SNTG1: variants seen among roughly 807,000 people sequenced by gnomAD.
The protein encoded by SNTG1 is syntrophin gamma 1, also known as gamma-1-syntrophin.
A neutral mutation model predicts 74.7 loss-of-function variants in SNTG1; 39 were observed. The ratio of observed to expected loss-of-function variants is 0.52; its 90% CI spans 0.40 to 0.68. The LOEUF is 0.68. Ranked by LOEUF, SNTG1 falls within the 30% of genes least tolerant of loss-of-function variation. The pLI is 0.00. For synonymous variants in SNTG1, 254 were observed against 217.1 expected (o/e 1.17, Z -1.49); for missense variants, 685 against 609.5 (o/e 1.12, Z -1.30).
chr8:50,362,121 A>G (rs2091976207), intron 2 of SNTG1, among the ~76,000 whole-genome samples: 1 of 152,132 alleles, frequency 6.6e-6, no homozygotes, highest in Non-Finnish European at 1.5e-5. Context: ...ATATTTGTAT[A>G]GAAAATCACC....
chr8:50,650,327 A>G (rs2095137113), intron 13 of SNTG1, among the ~76,000 whole-genome samples: 2 of 152,080 alleles, frequency 1.3e-5, no homozygotes, highest in Admixed American at 1.3e-4. Context: ...TTTAATTAAT[A>G]AATTTAGACC....
chr8:50,559,735 T>A (rs1478615759), intron 12 of SNTG1, among the ~76,000 whole-genome samples: 7 of 152,036 alleles, frequency 4.6e-5, no homozygotes, highest in Middle Eastern at 3.2e-3. Flanking sequence ...TCAAGATGGA[T>A]TAAAGACCTA....
chr8:50,359,784 A>T (rs979978836), intron 2 of SNTG1, among the ~76,000 whole-genome samples: 1 of 152,190 alleles, frequency 6.6e-6, no homozygotes, highest in African/African-American at 2.4e-5. Flanking sequence ...AAAGATTAAT[A>T]CTATTTCAAA....
At chr8:50,524,573 G>C (rs1473484702) in intron 9 of SNTG1, among the ~76,000 whole-genome samples, 1 of 151,982 alleles carries the variant, frequency 6.6e-6, no homozygotes, top group Non-Finnish European at 1.5e-5. Flanking sequence ...AGGTGTAGTT[G>C]TGATACAAAT....
chr8:50,254,912 C>T (rs1169111082), intron 2 of SNTG1, among the ~76,000 whole-genome samples: 1 of 144,534 alleles, frequency 6.9e-6, no homozygotes, highest in Non-Finnish European at 1.5e-5. Context: ...CGCAAGACTT[C>T]TGCTGCTGGA....
At chr8:50,203,466 AT>A (rs912054581) in intron 2 of SNTG1, among the ~76,000 whole-genome samples, 1 of 151,818 alleles carries the variant, frequency 6.6e-6, no homozygotes. Context: ...GTGCATTCAT[AT>A]TTTTTCTTGT....
intron 1 of SNTG1, among the ~76,000 whole-genome samples, chr8:49,968,320 C>G (rs1458154541): frequency 6.6e-6 from 1 of 152,120 alleles, no homozygotes; most frequent in East Asian, 1.9e-4. Context: ...CTCTTCCCCC[C>G]CAATTATGGT....
intron 12 of SNTG1, among the ~76,000 whole-genome samples, chr8:50,558,224 G>T (rs983060143): frequency 2.0e-5 from 3 of 152,184 alleles, no homozygotes; most frequent in African/African-American, 7.2e-5. Flanking sequence ...TGGCCCGGCT[G>T]CCCCAGGCTC....
intron 2 of SNTG1, among the ~76,000 whole-genome samples, chr8:50,251,779 A>T (rs925321288): frequency 1.3e-5 from 2 of 152,098 alleles, no homozygotes; most frequent in Non-Finnish European, 2.9e-5. Context: ...CTTCAGCTTC[A>T]CATTTTCAGC....
chr8:49,919,067 C>T (rs909293767), intron 1 of SNTG1, among the ~76,000 whole-genome samples: 1 of 152,096 alleles, frequency 6.6e-6, no homozygotes, highest in African/African-American at 2.4e-5. Flanking sequence ...TCTCTGTTCT[C>T]ACTGTCTTTC....
rs199708802 is a variant in SNTG1, at chr8:50,500,230, C to CTT, written c.364-2537_364-2536dup. On this transcript the variant is annotated intron_variant, in intron 8 of 18. Transcript: ENST00000642720. ...GTTACTATCCTTCAGGTTACTTTTT[C>CTT]TTTTTTTTTTTTGGTCTATATACTC... Among the ~76,000 whole-genome samples the CTT allele has an allele frequency of 7.9e-5, 11 of 139,784 alleles. No homozygotes were observed. In the East Asian group the frequency reaches 8.4e-4, roughly 11 times the overall value. 91.7% of individuals were successfully genotyped at this position (139,784 alleles called of 152,430 possible).
intron 2 of SNTG1, among the ~76,000 whole-genome samples, chr8:50,255,062 A>T (rs956730469): frequency 4.4e-5 from 6 of 135,638 alleles, no homozygotes; most frequent in African/African-American, 1.4e-4. Context: ...TATCACTGTG[A>T]TTTTGTTTGC....
rs183562529 is a variant in SNTG1, at chr8:50,463,591, A to G, written c.363+12862A>G. On this transcript the variant is annotated intron_variant, in intron 8 of 18. Coordinates refer to ENST00000642720, the MANE Select transcript of SNTG1 (RefSeq NM_018967.5). ...TTCTAAGCAGTACGTCTCAACAGTG[A>G]GCTTAAAATATTTAGTAAACTATGC... Among the ~76,000 whole-genome samples the G allele has an allele frequency of 1.7e-3, 254 of 152,296 alleles. 3 individuals are homozygous for G. The highest frequency in any genetic ancestry group is 4.4e-4 in the Non-Finnish European group (30 of 68,020).
intron 2 of SNTG1, among the ~76,000 whole-genome samples, chr8:50,217,330 T>C (rs930701023): frequency 6.6e-6 from 1 of 152,050 alleles, no homozygotes; most frequent in Non-Finnish European, 1.5e-5. Context: ...GGGGAGTCAT[T>C]TTTTTCAATC....
intron 1 of SNTG1, among the ~76,000 whole-genome samples, chr8:50,077,254 G>T (rs188198540): frequency 6.6e-6 from 1 of 152,066 alleles, no homozygotes; most frequent in Non-Finnish European, 1.5e-5. Flanking sequence ...TCCAAATCTG[G>T]TTGGCAGATA....
chr8:50,512,788 T>C (rs1027600186), intron 9 of SNTG1, among the ~76,000 whole-genome samples: 4 of 152,236 alleles, frequency 2.6e-5, no homozygotes, highest in African/African-American at 9.6e-5. Context: ...AGGACTGCTC[T>C]GCATTGGTTA....
chr8:50,722,413 T>A (rs1200717434), intron 17 of SNTG1, among the ~76,000 whole-genome samples: 1 of 152,010 alleles, frequency 6.6e-6, no homozygotes, highest in Non-Finnish European at 1.5e-5. Context: ...TGACCTCAAC[T>A]GATCCTCCCA....
chr8:50,348,107 C>T (rs1443688700), intron 2 of SNTG1, among the ~76,000 whole-genome samples: 3 of 152,330 alleles, frequency 2.0e-5, no homozygotes, highest in Admixed American at 6.5e-5. Flanking sequence ...CAACTGAGTA[C>T]ATCCTGGGAT....
chr8:50,381,608 C>CTCCTATTAGTTATATATATATA (rs2092482292), intron 2 of SNTG1, among the ~76,000 whole-genome samples: 1 of 122,178 alleles, frequency 8.2e-6, no homozygotes, highest in Non-Finnish European at 1.7e-5. Flanking sequence ...ATATATATAT[C>CTCCTATTAGTTATATATATATA]TCCTATTAGT....
Sources: gnomAD v4.1 joint callset for allele counts (sites outside exome capture counted in the v4.1 genomes callset) on GRCh38, gnomAD v4.1.1 for gene constraint, MANE v1.5 for transcripts, NCBI Gene and HGNC (gene_info 2026-07-23, HGNC 2026-07-21) for gene names.